MLLT3: variants seen among roughly 807,000 people sequenced by gnomAD.
MLLT3 encodes the protein MLLT3 super elongation complex subunit, also known as protein AF-9.
Under a neutral mutation model 53.2 loss-of-function variants are expected in MLLT3, and 4 were observed. The observed-to-expected ratio is 0.08, with a 90% CI of 0.04 to 0.17. The LOEUF is 0.17. Ranked by LOEUF, MLLT3 falls within the 10% of genes least tolerant of loss-of-function variation. The pLI is 1.00. For synonymous variants in MLLT3, 283 were observed against 230.6 expected, an observed-to-expected ratio of 1.23 and a Z score of -2.06; for missense variants, 569 against 684.0, an observed-to-expected ratio of 0.83 and a Z score of 1.87.
At chr9:20,548,791 C>T (rs199780143) in intron 2 of MLLT3, among the ~76,000 whole-genome samples, 1 of 151,746 alleles carries the variant, frequency 6.6e-6, no homozygotes, top group East Asian at 1.9e-4. Context: ...TGAATATTCT[C>T]AAACTTACCA....
intron 2 of MLLT3, among the ~76,000 whole-genome samples, chr9:20,619,240 T>C (rs1189468512): frequency 1.3e-5 from 2 of 152,244 alleles, no homozygotes; most frequent in Admixed American, 1.3e-4. Context: ...GCCATGCATA[T>C]TTCTAGCCCT....
intron 2 of MLLT3, among the ~76,000 whole-genome samples, chr9:20,519,696 A>G (rs912614043): frequency 6.6e-6 from 1 of 152,228 alleles, no homozygotes; most frequent in Non-Finnish European, 1.5e-5. Flanking sequence ...ATCAAAAAAT[A>G]ACAGATGCTG....
chr9:20,368,674 T>A (rs1056382303), intron 5 of MLLT3, among the ~76,000 whole-genome samples: 1 of 152,214 alleles, frequency 6.6e-6, no homozygotes, highest in Admixed American at 6.5e-5. Context: ...AATTCCACAG[T>A]TGCTGATCAC....
At position 20,539,904 on chromosome 9, in the gene MLLT3, T is replaced by C. The variant is rs1818582833; in HGVS notation, c.193+80750A>G. Reference sequence around the variant, plus strand: ...AAGGTCCCTTCCATCTAGAAGCCTATAAAATCAAAAACAAATTAGTTACTT... The same window carrying C: ...AAGGTCCCTTCCATCTAGAAGCCTACAAAATCAAAAACAAATTAGTTACTT... On this transcript the variant is annotated intron_variant, in intron 2 of 10. Coordinates refer to ENST00000380338, the MANE Select transcript of MLLT3 (RefSeq NM_004529.4). 3.3e-5 allele frequency among the ~76,000 whole-genome samples: 5 copies of C among 152,236 alleles called. No individual in the cohort carries two copies. In the South Asian group the frequency reaches 1.0e-3, roughly 32 times the overall value.
intron 2 of MLLT3, among the ~76,000 whole-genome samples, chr9:20,581,781 A>G (rs1262275141): frequency 2.0e-5 from 3 of 152,290 alleles, no homozygotes; most frequent in South Asian, 2.1e-4. Context: ...TAATCCTTCA[A>G]TTTGGTAAGA....
intron 2 of MLLT3, among the ~76,000 whole-genome samples, chr9:20,565,407 C>T (rs1587074749): frequency 6.6e-6 from 1 of 152,078 alleles, no homozygotes; most frequent in Non-Finnish European, 1.5e-5. Context: ...TACCAACTCA[C>T]TGCCCAAAAA....
At chr9:20,576,339 T>C (rs766617759) in intron 2 of MLLT3, among the ~76,000 whole-genome samples, 2 of 152,198 alleles carry the variant, frequency 1.3e-5, no homozygotes, top group African/African-American at 4.8e-5. Flanking sequence ...CATGTGTTCA[T>C]TGGAGTAGCT....
chr9:20,356,433 G>C (rs1821173043), intron 8 of MLLT3, among the ~76,000 whole-genome samples: 1 of 152,094 alleles, frequency 6.6e-6, no homozygotes, highest in Admixed American at 6.5e-5. Flanking sequence ...CATTGTTGTT[G>C]AAAGTGAGAT....
In MLLT3 at chr9:20,620,957, C is replaced by T. The variant is rs1820987054; in HGVS notation, c.13-123G>A. 1 of 1,126,092 alleles carries T rather than the reference C, an allele frequency of 8.9e-7. No individual in the cohort carries two copies. The highest frequency in any genetic ancestry group is 1.3e-6 in the Non-Finnish European group (1 of 767,968). 69.8% of individuals were successfully genotyped at this position (1,126,092 alleles called of 1,614,324 possible). A position where few individuals can be genotyped will look rare whatever the true frequency, so the allele number is the denominator to read the frequency against. ...GCACATAAAAGGAAACGGCGGTGCC[C>T]TCTGCATCCACGTTTCACGCGCGTG... On this transcript the variant is annotated intron_variant, in intron 1 of 10. Transcript: ENST00000380338. The surrounding 1 kb of genome is among the most constrained non-coding windows in gnomAD (Gnocchi z 6.1).
intron 5 of MLLT3, among the ~76,000 whole-genome samples, chr9:20,398,806 C>T (rs1256341212): frequency 2.0e-5 from 3 of 152,110 alleles, no homozygotes; most frequent in African/African-American, 7.2e-5. Context: ...ACTCTGACAT[C>T]CCTCTGCTGT....
chr9:20,578,360 A>G (rs982922445), intron 2 of MLLT3, among the ~76,000 whole-genome samples: 2 of 152,194 alleles, frequency 1.3e-5, no homozygotes, highest in African/African-American at 4.8e-5. Context: ...GGGATTGATT[A>G]CTAATCCAGG....
chr9:20,534,984 C>G (rs145897007), intron 2 of MLLT3, among the ~76,000 whole-genome samples: 7 of 152,040 alleles, frequency 4.6e-5, no homozygotes, highest in African/African-American at 1.7e-4. Flanking sequence ...ATGGTTTGCT[C>G]AAACAAGAAT....
In MLLT3 at chr9:20,553,220, C is replaced by T. The variant is rs565702116; in HGVS notation, c.193+67434G>A. ...AAACAAAACAAAAAAGCCCTCATTT[C>T]TCGACACTAAATGTAACTGTAGAAA... On this transcript the variant is annotated intron_variant, in intron 2 of 10. Coordinates refer to ENST00000380338, the MANE Select transcript of MLLT3 (RefSeq NM_004529.4). Among the ~76,000 whole-genome samples the T allele has an allele frequency of 7.2e-5, 11 of 152,300 alleles. No homozygotes were observed. The South Asian group carries it at 1.9e-3, about 26-fold the overall frequency.
At chr9:20,606,422 C>G (rs1820572274) in intron 2 of MLLT3, among the ~76,000 whole-genome samples, 1 of 152,024 alleles carries the variant, frequency 6.6e-6, no homozygotes, top group Non-Finnish European at 1.5e-5. Context: ...ACCCCCTTCA[C>G]CCACCCGTAC....
At chr9:20,488,186 G>A (rs1824859484) in intron 2 of MLLT3, among the ~76,000 whole-genome samples, 1 of 152,056 alleles carries the variant, frequency 6.6e-6, no homozygotes, top group African/African-American at 2.4e-5. Context: ...TAACAAAGTG[G>A]TTGCCAGGGG....
intron 2 of MLLT3, among the ~76,000 whole-genome samples, chr9:20,544,106 A>T (rs1818720607): frequency 6.6e-6 from 1 of 152,254 alleles, no homozygotes; most frequent in Non-Finnish European, 1.5e-5. Flanking sequence ...ACAATGGGGA[A>T]AGGATAGTCT....
chr9:20,357,883 C>T (rs1821208106), intron 8 of MLLT3, among the ~76,000 whole-genome samples: 1 of 151,714 alleles, frequency 6.6e-6, no homozygotes, highest in Non-Finnish European at 1.5e-5. Context: ...TTAGTCCTTC[C>T]AAGTATGTTC....
At chr9:20,401,406 C>T (rs748751048) in intron 5 of MLLT3, among the ~76,000 whole-genome samples, 2 of 152,076 alleles carry the variant, frequency 1.3e-5, no homozygotes, top group South Asian at 4.2e-4. Context: ...AGGGAGTATG[C>T]CCACCTGGCA....
chr9:20,549,422 T>C (rs1001828130), intron 2 of MLLT3, among the ~76,000 whole-genome samples: 7 of 152,194 alleles, frequency 4.6e-5, no homozygotes, highest in African/African-American at 1.2e-4. Context: ...CTACTAATAA[T>C]ATTAGTAGTA....
Sources: gnomAD v4.1 joint callset for allele counts (sites outside exome capture counted in the v4.1 genomes callset) on GRCh38, gnomAD v4.1.1 for gene constraint, Gnocchi (gnomAD v3.1) non-coding constraint, MANE v1.5 for transcripts, NCBI Gene and HGNC (gene_info 2026-07-23, HGNC 2026-07-21) for gene names.